Variants in CREB5 observed in about 807,000 individuals in gnomAD.
The protein encoded by CREB5 is cyclic AMP-responsive element-binding protein 5.
A neutral mutation model predicts 57.1 loss-of-function variants in CREB5; 19 were observed. The observed-to-expected ratio is 0.33, with a 90% CI of 0.23 to 0.49. The LOEUF (loss-of-function observed/expected upper bound fraction) is 0.49, where lower values mean the gene tolerates loss of function less well. CREB5 is among the 20% of genes least tolerant of loss of function. The pLI is 0.99. For missense variants in CREB5, 579 were observed against 671.6 expected (o/e 0.86, Z 1.52); for synonymous variants, 238 against 238.3 (o/e 1.00, Z 0.01).
In CREB5 at chr7:28,412,686, G is replaced by A. The variant is rs572225780; in HGVS notation, c.-229G>A. ...CTTAGAGAACGAGGGAGGTACCAGAGTCTAGGAGGTACCTCTGGGTTGCAG... is the reference window on the plus strand; with the variant it reads ...CTTAGAGAACGAGGGAGGTACCAGAATCTAGGAGGTACCTCTGGGTTGCAG... On this transcript the variant is annotated 5_prime_UTR_variant, in exon 1 of 11. Transcript: ENST00000357727. The A allele has an allele frequency of 3.0e-5, 12 of 393,940 alleles. 1 individual carries two copies. The South Asian group carries it at 1.2e-3, about 41-fold the overall frequency. The allele number at this position is 393,940 out of a possible 1,614,324, so 24.4% of individuals were successfully genotyped here.
At chr7:28,660,309 A>G (rs1347425697) in intron 5 of CREB5, among the ~76,000 whole-genome samples, 1 of 152,138 alleles carries the variant, frequency 6.6e-6, no homozygotes, top group Non-Finnish European at 1.5e-5. Flanking sequence ...CACTGTCCTC[A>G]AAAGAACTGA....
intron 5 of CREB5, among the ~76,000 whole-genome samples, chr7:28,651,734 G>C (rs980136665): frequency 2.6e-5 from 4 of 152,088 alleles, no homozygotes; most frequent in African/African-American, 9.7e-5. Flanking sequence ...ATGTTTTCAA[G>C]GTGCTGTTTT....
At chr7:28,736,928 T>C (rs1477316122) in intron 7 of CREB5, among the ~76,000 whole-genome samples, 1 of 151,516 alleles carries the variant, frequency 6.6e-6, no homozygotes, top group East Asian at 1.9e-4. Context: ...ATCATTTCCC[T>C]GAACCCAGGG....
intron 5 of CREB5, among the ~76,000 whole-genome samples, chr7:28,673,657 CTTTTTTTTTTTT>C (rs549391329): frequency 2.0e-4 from 11 of 55,766 alleles, no homozygotes; most frequent in East Asian, 6.9e-4. Flanking sequence ...CTCTCTCTCT[CTTTTTTTTTTTT>C]TTTTTTTTTT....
intron 5 of CREB5, among the ~76,000 whole-genome samples, chr7:28,586,910 G>A (rs1796325300): frequency 6.6e-6 from 1 of 152,182 alleles, no homozygotes; most frequent in African/African-American, 2.4e-5. Flanking sequence ...TGGCTCAGAA[G>A]GGCTGCGGAC....
At chr7:28,337,960 A>G (rs1038126533) in intron 1 of CREB5, among the ~76,000 whole-genome samples, 1 of 152,170 alleles carries the variant, frequency 6.6e-6, no homozygotes, top group East Asian at 1.9e-4. Context: ...TAATGACTGC[A>G]TAAACAAACT....
chr7:28,794,738 GCACA>G (rs150983811), intron 7 of CREB5, among the ~76,000 whole-genome samples: 3 of 149,304 alleles, frequency 2.0e-5, no homozygotes, highest in African/African-American at 7.4e-5. Context: ...GTGCATACCT[GCACA>G]CACACACACA....
intron 1 of CREB5, among the ~76,000 whole-genome samples, chr7:28,351,026 T>G (rs1786174858): frequency 6.6e-6 from 1 of 152,244 alleles, no homozygotes; most frequent in African/African-American, 2.4e-5. Context: ...ATGAGTCTTA[T>G]GAATTTCCAT....
intron 5 of CREB5, among the ~76,000 whole-genome samples, chr7:28,605,586 G>A (rs1317112326): frequency 2.0e-5 from 3 of 152,202 alleles, no homozygotes; most frequent in African/African-American, 4.8e-5. Context: ...ATGAACTGGA[G>A]CTGACCTTCA....
intron 7 of CREB5, among the ~76,000 whole-genome samples, chr7:28,728,822 C>T (rs566083676): frequency 6.6e-6 from 1 of 152,214 alleles, no homozygotes; most frequent in South Asian, 2.1e-4. Flanking sequence ...GGGATAAATC[C>T]AGATGAATTC....
chr7:28,456,807 A>T (rs1416430632), intron 1 of CREB5, among the ~76,000 whole-genome samples: 5 of 152,232 alleles, frequency 3.3e-5, no homozygotes, highest in Admixed American at 6.5e-5. Context: ...TCTTTACAGA[A>T]TTGTGCCTGG....
chr7:28,363,796 T>A (rs1786534133), intron 1 of CREB5, among the ~76,000 whole-genome samples: 1 of 152,186 alleles, frequency 6.6e-6, no homozygotes, highest in African/African-American at 2.4e-5. Context: ...TGCTACTTAA[T>A]CTCTCTGAAA....
rs529032166 is a variant in CREB5, at chr7:28,518,220, C to T, written c.291+10483C>T. On this transcript the variant is annotated intron_variant, in intron 4 of 10. Transcript: ENST00000357727. ...TTTGAAAGTTAATCATAGTGCTGACCGAATCCTGCCTGAGTTGGTGCTGGG... is the reference window on the plus strand; with the variant it reads ...TTTGAAAGTTAATCATAGTGCTGACTGAATCCTGCCTGAGTTGGTGCTGGG... Among the ~76,000 whole-genome samples the T allele has an allele frequency of 2.3e-4, 35 of 152,260 alleles. No individual in the cohort carries two copies. The South Asian group carries it at 6.0e-3, about 26-fold the overall frequency.
At chr7:28,636,634 A>G (rs751674890) in intron 5 of CREB5, among the ~76,000 whole-genome samples, 3 of 152,208 alleles carry the variant, frequency 2.0e-5, no homozygotes, top group Non-Finnish European at 2.9e-5. Flanking sequence ...TTGTTGGATT[A>G]ATAAATTATC....
intron 5 of CREB5, among the ~76,000 whole-genome samples, chr7:28,687,749 T>C (rs976914055): frequency 1.3e-5 from 2 of 152,088 alleles, no homozygotes; most frequent in African/African-American, 2.4e-5. Flanking sequence ...ATGGATCTTC[T>C]CTCTTTCCTC....
At chr7:28,645,507 G>A (rs1198358874) in intron 5 of CREB5, among the ~76,000 whole-genome samples, 5 of 152,322 alleles carry the variant, frequency 3.3e-5, no homozygotes, top group South Asian at 4.1e-4. Context: ...CAGGACTCTT[G>A]TAAATGCCTG....
intron 1 of CREB5, among the ~76,000 whole-genome samples, chr7:28,348,291 C>T (rs1289246154): frequency 1.3e-5 from 2 of 152,094 alleles, no homozygotes; most frequent in African/African-American, 2.4e-5. Context: ...TGGCACATTA[C>T]TAGCCTTAAA....
chr7:28,586,290 CAGG>C (rs1796304208), intron 5 of CREB5, among the ~76,000 whole-genome samples: 1 of 152,142 alleles, frequency 6.6e-6, no homozygotes, highest in African/African-American at 2.4e-5. Context: ...GCTGCCACGA[CAGG>C]AGGAGAAGGG....
intron 1 of CREB5, among the ~76,000 whole-genome samples, chr7:28,394,407 T>A (rs540604553): frequency 6.6e-6 from 1 of 151,832 alleles, no homozygotes; most frequent in Non-Finnish European, 1.5e-5. Flanking sequence ...TGGAGTAGAT[T>A]AAAAAAAATA....
Sources: allele counts gnomAD v4.1 joint callset (sites outside exome capture counted in the v4.1 genomes callset), GRCh38; gene constraint gnomAD v4.1.1; transcripts MANE v1.5; gene names NCBI Gene and HGNC (gene_info 2026-07-23, HGNC 2026-07-21).